The following ARL8B variants were observed in gnomAD, a reference collection of about 807,000 sequenced individuals.
ARL8B encodes ARF like GTPase 8B.
A neutral mutation model predicts 30.6 loss-of-function variants in ARL8B; 9 were observed. The ratio of observed to expected loss-of-function variants is 0.29; its 90% confidence interval spans 0.18 to 0.51. The LOEUF (loss-of-function observed/expected upper bound fraction) is 0.51, where lower values mean the gene tolerates loss of function less well. Ranked by LOEUF, ARL8B falls within the 20% of genes least tolerant of loss-of-function variation. ARL8B has a pLI of 0.97. For missense variants in ARL8B, 130 were observed against 227.2 expected (o/e 0.57, Z 2.75); for synonymous variants, 74 against 76.0 (o/e 0.97, Z 0.14).
intron 5 of ARL8B, 113 bp downstream of exon 5, chr3:5,174,197 G>C: frequency 3.5e-6 from 4 of 1,147,204 alleles, no homozygotes; most frequent in Non-Finnish European, 5.1e-6. Flanking sequence ...ATAAAAGTTG[G>C]CCTATCAGAG....
At chr3:5,131,195 G>A (rs998722030) in intron 1 of ARL8B, among the ~76,000 whole-genome samples, 1 of 152,022 alleles carries the variant, frequency 6.6e-6, no homozygotes, top group South Asian at 2.1e-4. Context: ...GTGAGCCACC[G>A]TGCCCGGCCA....
chr3:5,159,446 T>C (rs1280266571), intron 1 of ARL8B, among the ~76,000 whole-genome samples: 1 of 149,738 alleles, frequency 6.7e-6, no homozygotes, highest in Non-Finnish European at 1.5e-5. Context: ...CTACTGAAAA[T>C]ACAAAATTAG....
chr3:5,157,887 A>G (rs1407574675), intron 1 of ARL8B: 1 of 152,246 alleles, frequency 6.6e-6, no homozygotes. Context: ...AAAGTAAGAA[A>G]GAGCACCAGA....
At chr3:5,142,182 C>T (rs975982720) in intron 1 of ARL8B, among the ~76,000 whole-genome samples, 9 of 152,086 alleles carry the variant, frequency 5.9e-5, no homozygotes, top group Non-Finnish European at 1.3e-4. Context: ...CCCATAGTAC[C>T]ACCAGACGTT....
At chr3:5,143,254 AG>A (rs1246224501) in intron 1 of ARL8B, among the ~76,000 whole-genome samples, 1 of 152,206 alleles carries the variant, frequency 6.6e-6, no homozygotes, top group Non-Finnish European at 1.5e-5. Flanking sequence ...TTTGCGTAGT[AG>A]GCCATCTCAG....
At chr3:5,145,269 T>G (rs1484986446) in intron 1 of ARL8B, among the ~76,000 whole-genome samples, 1 of 152,224 alleles carries the variant, frequency 6.6e-6, no homozygotes, top group Non-Finnish European at 1.5e-5. Context: ...GGCAAGTATT[T>G]GTTGTTACGA....
At chr3:5,131,514 C>T (rs1473741610) in intron 1 of ARL8B, among the ~76,000 whole-genome samples, 4 of 152,046 alleles carry the variant, frequency 2.6e-5, no homozygotes, top group African/African-American at 9.7e-5. Context: ...CCTCAGCCTC[C>T]TGAGTAGCTA....
intron 1 of ARL8B, among the ~76,000 whole-genome samples, chr3:5,160,207 T>TA (rs1484891622): frequency 6.6e-6 from 1 of 152,270 alleles, no homozygotes; most frequent in Non-Finnish European, 1.5e-5. Flanking sequence ...TCTCTAGCAC[T>TA]AAGATTTCTT....
intron 1 of ARL8B, among the ~76,000 whole-genome samples, chr3:5,162,494 G>A (rs2054591820): frequency 6.6e-6 from 1 of 152,092 alleles, no homozygotes; most frequent in Non-Finnish European, 1.5e-5. Context: ...CTTTGTAGAA[G>A]GTTTTATTTG....
chr3:5,153,652 A>G (rs529800402), intron 1 of ARL8B, among the ~76,000 whole-genome samples: 2 of 152,294 alleles, frequency 1.3e-5, no homozygotes, highest in South Asian at 4.1e-4. Flanking sequence ...TTTTCCTTTC[A>G]GCCATCAAAC....
In ARL8B at chr3:5,172,241, G is replaced by A; in HGVS notation, c.278+18G>A. 6.3e-7 allele frequency: 1 copy of A among 1,593,146 alleles called. No individual in the cohort carries two copies. The highest frequency in any genetic ancestry group is 8.6e-7 in the Non-Finnish European group (1 of 1,167,942). On this transcript the variant is annotated intron_variant, in intron 3 of 6. Coordinates refer to ENST00000256496, the MANE Select transcript of ARL8B (RefSeq NM_018184.3). The stretch of plus-strand genomic sequence containing the variant: ...GCTATTGTGTAAGTGGTTTTTTTTT[G>A]TTTGTTTGCTTTTAAATCAATGTAG...
chr3:5,171,915 T>G (rs965180234), intron 2 of ARL8B, among the ~76,000 whole-genome samples: 3 of 152,244 alleles, frequency 2.0e-5, no homozygotes, highest in Admixed American at 6.5e-5. Flanking sequence ...AATCTTTGCT[T>G]AAGCAAAATT....
At chr3:5,165,875 T>G (rs1453698805) in intron 1 of ARL8B, among the ~76,000 whole-genome samples, 2 of 152,178 alleles carry the variant, frequency 1.3e-5, no homozygotes, top group African/African-American at 4.8e-5. Flanking sequence ...AGTACTACTC[T>G]ACTTTGAAAG....
rs540177491 is a variant in ARL8B at position 5,159,842 on chromosome 3, A to G, written c.124-10661A>G. 2.0e-5 allele frequency among the ~76,000 whole-genome samples: 3 copies of G among 152,164 alleles called. No individual in the cohort carries two copies. In the South Asian group the frequency reaches 6.2e-4, roughly 32 times the overall value. ...GTCTTTTTCTCATTTTAGTTCCCAA[A>G]ATACCCAGTTTTCCCAAGAAAGAAG... On this transcript the variant is annotated intron_variant, in intron 1 of 6. Coordinates refer to ENST00000256496, the MANE Select transcript of ARL8B (RefSeq NM_018184.3).
At chr3:5,130,111 G>A (rs1218666421) in intron 1 of ARL8B, among the ~76,000 whole-genome samples, 1 of 152,116 alleles carries the variant, frequency 6.6e-6, no homozygotes, top group Admixed American at 6.5e-5. Flanking sequence ...TGATCTGCCT[G>A]CCTTGGCCTC....
chr3:5,167,371 C>G (rs2054633226), intron 1 of ARL8B, among the ~76,000 whole-genome samples: 2 of 152,230 alleles, frequency 1.3e-5, no homozygotes, highest in South Asian at 4.1e-4. Context: ...AATAATGACT[C>G]TAAAGCAGAA....
At chr3:5,170,436 A>G (rs987611049) in intron 1 of ARL8B, 67 bp from the exon 2 acceptor site, 1 of 1,027,438 alleles carries the variant, frequency 9.7e-7, no homozygotes, top group Non-Finnish European at 1.5e-6. Flanking sequence ...TGCAATGTTG[A>G]TATTAGAAGT....
intron 3 of ARL8B, 127 bp from the exon 4 acceptor site, chr3:5,172,520 T>C (rs2054685499): frequency 1.4e-6 from 1 of 704,112 alleles, no homozygotes; most frequent in Non-Finnish European, 2.4e-6. Flanking sequence ...CCTTTTCTTA[T>C]GACATAGTTT....
chr3:5,161,452 G>A (rs1355665279), intron 1 of ARL8B, among the ~76,000 whole-genome samples: 1 of 152,218 alleles, frequency 6.6e-6, no homozygotes, highest in Non-Finnish European at 1.5e-5. Context: ...CAGCAGTTAA[G>A]AGTTAAATAT....
Sources: allele counts gnomAD v4.1 joint callset (sites outside exome capture counted in the v4.1 genomes callset), GRCh38; gene constraint gnomAD v4.1.1; transcripts MANE v1.5; gene names NCBI Gene and HGNC (gene_info 2026-07-23, HGNC 2026-07-21).